KMT2A: variants seen among roughly 807,000 people sequenced by gnomAD.
The protein encoded by KMT2A is lysine methyltransferase 2A.
KMT2A carries 16 observed loss-of-function variants against 345.3 expected under a neutral mutation model. The observed-to-expected ratio is 0.05, with a 90% CI of 0.03 to 0.07. KMT2A has a LOEUF of 0.07. Among genes scored for constraint, KMT2A ranks in the 10% least tolerant of loss-of-function variants. The pLI, the probability that KMT2A is intolerant of heterozygous loss-of-function variation, is 1.00. For synonymous variants in KMT2A, 1,599 were observed against 1,778.6 expected (o/e 0.90, Z 2.54); for missense variants, 3,272 against 4,841.6 (o/e 0.68, Z 9.62).
Position 118,494,124 on chromosome 11 carries a change from G to A in KMT2A, c.5179-164G>A, listed in dbSNP as rs1351781076. On this transcript the variant is annotated intron_variant, in intron 16 of 35. Transcript: ENST00000534358. The surrounding 1 kb of genome is among the most constrained non-coding windows in gnomAD (Gnocchi z 5.8). Reference sequence around the variant, plus strand: ...ATCTCTTAATTGCCACAGGTTAATCGTGAATTGAATCTCAAAGGTCTCAGC... The same window carrying A: ...ATCTCTTAATTGCCACAGGTTAATCATGAATTGAATCTCAAAGGTCTCAGC... 6.6e-6 allele frequency among the ~76,000 whole-genome samples: 1 copy of A among 152,156 alleles called. No individual in the cohort carries two copies. The highest frequency in any genetic ancestry group is 2.4e-5 in the African/African-American group (1 of 41,420).
intron 5 of KMT2A, among the ~76,000 whole-genome samples, chr11:118,478,570 G>A (rs1950078004): frequency 6.6e-6 from 1 of 152,140 alleles, no homozygotes; most frequent in African/African-American, 2.4e-5. Context: ...TGTAACTAGT[G>A]GCTACCATAT....
intron 1 of KMT2A, among the ~76,000 whole-genome samples, chr11:118,451,918 C>T (rs782254286): frequency 1.3e-4 from 20 of 152,194 alleles, no homozygotes; most frequent in Non-Finnish European, 2.5e-4. Context: ...CTAATGTTAA[C>T]AGAATTGTCC....
intron 1 of KMT2A, among the ~76,000 whole-genome samples, chr11:118,459,093 CAG>C (rs369737729): frequency 3.2e-3 from 480 of 152,168 alleles, no homozygotes; most frequent in South Asian, 8.5e-3. Flanking sequence ...CCCTTTGAGA[CAG>C]AGTCTTGCTC....
rs1167269536 is a variant in KMT2A at position 118,523,182 on chromosome 11, GCAA to G, written c.*1015_*1017del. The G allele has an allele frequency of 3.9e-5, 9 of 228,568 alleles. No homozygotes were observed. In the Admixed American group the frequency reaches 5.1e-4, roughly 13 times the overall value. 14.2% of individuals were successfully genotyped at this position (228,568 alleles called of 1,614,324 possible). A position where few individuals can be genotyped will look rare whatever the true frequency, so the allele number is the denominator to read the frequency against. On this transcript the variant is annotated 3_prime_UTR_variant, in exon 36 of 36. Transcript: ENST00000534358. ...ATTATTTAAATAGGATTTAAATCATGCAACAACGAGAGTATCACAGCCAGGATG... is the reference window on the plus strand; with the variant it reads ...ATTATTTAAATAGGATTTAAATCATGCAACGAGAGTATCACAGCCAGGATG...
Position 118,502,450 on chromosome 11 carries a change from C to G in KMT2A, c.6558C>G (p.Leu2186=), listed in dbSNP as rs2134384316. 2 of 1,613,538 alleles carry G rather than the reference C, an allele frequency of 1.2e-6. No homozygotes were observed. Among genetic ancestry groups the G allele is most frequent in the Non-Finnish European group, 1.7e-6 (2 of 1,179,708 alleles). ...TAGTCACAGTAGGTGATCCTTTACT[C>G]TCCTCTGGACTTCGAAGCATTGGCT... The part of the protein sequence containing the change: ...HEIVTVGDPL[L]SSGLRSIGSR... Residue 2186 remains leucine (L), a synonymous_variant, in exon 27 of 36, where the codon CTC becomes CTG. Coordinates refer to ENST00000534358, the MANE Select transcript of KMT2A (RefSeq NM_001197104.2). This position sits in a 1 kb window ranked among gnomAD's most constrained non-coding sequence, Gnocchi z 4.9.
rs1295146876 is a variant in KMT2A at position 118,493,368 on chromosome 11, TAA to T, written c.5178+142_5178+143del. Reference sequence around the variant, plus strand: ...GAAATGTCACGTGGCTTTAGATACCTAAAAATGTATGAGTTATTTTAGCTTTG... The same window carrying T: ...GAAATGTCACGTGGCTTTAGATACCTAAATGTATGAGTTATTTTAGCTTTG... On this transcript the variant is annotated intron_variant, in intron 16 of 35. Transcript: ENST00000534358. This position sits in a 1 kb window ranked among gnomAD's most constrained non-coding sequence, Gnocchi z 5.8. The T allele has an allele frequency of 1.8e-6, 1 of 562,662 alleles. No homozygotes were observed. Among genetic ancestry groups the T allele is most frequent in the Non-Finnish European group, 3.0e-6 (1 of 336,812 alleles). 34.9% of individuals were successfully genotyped at this position (562,662 alleles called of 1,614,324 possible).
At position 118,519,785 on chromosome 11, in the gene KMT2A, C is replaced by T; in HGVS notation, c.11314C>T (p.His3772Tyr). ...NPHGSARAEV[H>Y]LRKSAFDMFN... is the part of the protein sequence containing the mutation. ...TCACGGCTCAGCCAGGGCTGAAGTC[C>T]ACCTCAGGCAAGTTCCCTTCTTTTC... The change falls in exon 32 of 36, where the codon CAC (histidine) becomes TAC (tyrosine). Residue 3772 changes from histidine (H) to tyrosine (Y), a missense_variant. His to Tyr is a moderately conservative substitution (Grantham distance 83, BLOSUM62 2). Around this residue, in one of 27 missense-constraint regions of KMT2A, gnomAD observed 72 missense variants for 135.6 expected, o/e 0.53. Transcript: ENST00000534358. 1 of 1,610,548 alleles carries T rather than the reference C, an allele frequency of 6.2e-7. No individual in the cohort carries two copies. The highest frequency in any genetic ancestry group is 1.1e-5 in the South Asian group (1 of 91,036).
chr11:118,483,936 A>T (rs1253834059), intron 8 of KMT2A, among the ~76,000 whole-genome samples: 1 of 152,136 alleles, frequency 6.6e-6, no homozygotes, highest in East Asian at 1.9e-4. Flanking sequence ...TGAGAAGCTG[A>T]GGCAGGAGGA....
intron 2 of KMT2A, among the ~76,000 whole-genome samples, chr11:118,471,454 G>A (rs1408022839): frequency 6.6e-6 from 1 of 152,154 alleles, no homozygotes; most frequent in Non-Finnish European, 1.5e-5. Flanking sequence ...GTAATTAAAT[G>A]TTCTTTCAGG....
chr11:118,456,627 C>T (rs908763506), intron 1 of KMT2A, among the ~76,000 whole-genome samples: 21 of 152,158 alleles, frequency 1.4e-4, no homozygotes, highest in Admixed American at 5.2e-4. Flanking sequence ...CATGAGCCGC[C>T]GCGCCTGGCA....
Position 118,506,312 on chromosome 11 carries a change from G to T in KMT2A, c.10420G>T (p.Asp3474Tyr), listed in dbSNP as rs782405399. 1 of 1,614,170 alleles carries T rather than the reference G, an allele frequency of 6.2e-7. No individual in the cohort carries two copies. Among genetic ancestry groups the T allele is most frequent in the Non-Finnish European group, 8.5e-7 (1 of 1,180,020 alleles). ...AACTGGGATTCATTCTTCCCAGCGT[G>T]ATCTTGATTCTGCTTCAGGGCCCCA... ...SKTGIHSSQR[D>Y]LDSASGPQVS... Residue 3474 changes from aspartate (D) to tyrosine (Y), a missense_variant, in exon 27 of 36, where the codon GAT (aspartate) becomes TAT (tyrosine). Transcript: ENST00000534358.
At chr11:118,499,687 C>T (rs1452044387) in intron 23 of KMT2A, 148 bp from the exon 24 acceptor site, 4 of 657,370 alleles carry the variant, frequency 6.1e-6, no homozygotes, top group African/African-American at 5.5e-5. Context: ...GGCTGAGGCA[C>T]AGGAATCACT....
At position 118,468,798 on chromosome 11, in the gene KMT2A, C is replaced by G. The variant is rs782503601; in HGVS notation, c.456C>G (p.Gly152=). 3 of 1,612,706 alleles carry G rather than the reference C, an allele frequency of 1.9e-6. No individual in the cohort carries two copies. In the African/African-American group the frequency reaches 4.0e-5, roughly 22 times the overall value. The change falls in exon 2 of 36, where the codon GGC becomes GGG. Residue 152 remains glycine, a synonymous_variant. Coordinates refer to ENST00000534358, the MANE Select transcript of KMT2A (RefSeq NM_001197104.2). ...AGGATGAGCAATTCTTAGGTTTTGG[C>G]TCAGATGAAGAAGTCAGAGTGCGAA... The part of the protein sequence containing the change: ...SGEDEQFLGF[G]SDEEVRVRSP...
chr11:118,483,303 C>G (rs1259299085), intron 8 of KMT2A, among the ~76,000 whole-genome samples: 1 of 150,974 alleles, frequency 6.6e-6, no homozygotes, highest in African/African-American at 2.4e-5. Flanking sequence ...GAGGCCGAGG[C>G]GGGCGGATCA....
rs11430367 is a variant in KMT2A, at chr11:118,477,498, C to CTTTTT, written c.3335-446_3335-442dup. Among the ~76,000 whole-genome samples the CTTTTT allele has an allele frequency of 1.4e-3, 80 of 56,944 alleles. 25 individuals carry two copies. Among genetic ancestry groups the CTTTTT allele is most frequent in the African/African-American group, 5.0e-3 (65 of 12,984 alleles). 37.4% of individuals were successfully genotyped at this position (56,944 alleles called of 152,430 possible). A position where few individuals can be genotyped will look rare whatever the true frequency, so the allele number is the denominator to read the frequency against. On this transcript the variant is annotated intron_variant, in intron 4 of 35. Coordinates refer to ENST00000534358, the MANE Select transcript of KMT2A (RefSeq NM_001197104.2). Reference sequence around the variant, plus strand: ...CTTTCATCAAGATGCAAGTTATTGGCTTTTTTTTTTTTTTTTTTTTTTTTT... The same window carrying CTTTTT: ...CTTTCATCAAGATGCAAGTTATTGGCTTTTTTTTTTTTTTTTTTTTTTTTTTTTTT...
At position 118,476,610 on chromosome 11, in the gene KMT2A, G is replaced by A. The variant is rs971890307; in HGVS notation, c.3157-195G>A. Among the ~76,000 whole-genome samples, 2 of 151,964 alleles carry A rather than the reference G, an allele frequency of 1.3e-5. No homozygotes were observed. The highest frequency in any genetic ancestry group is 1.3e-4 in the Admixed American group (2 of 15,252). On this transcript the variant is annotated intron_variant, in intron 3 of 35. Transcript: ENST00000534358. The surrounding 1 kb of genome is among the most constrained non-coding windows in gnomAD (Gnocchi z 4.1). ...GCTGTTTTTTATTTTTTGATTAGAGGCCTTTTTTTGTGCTGCCAATTAGGA... is the reference window on the plus strand; with the variant it reads ...GCTGTTTTTTATTTTTTGATTAGAGACCTTTTTTTGTGCTGCCAATTAGGA...
chr11:118,495,455 C>T lies in KMT2A; in HGVS notation c.5364-245C>T, dbSNP rs545555084. ...TACAGGCATGAGCCACCATGCCCGG[C>T]CTCTTTTGAGTTTTTGATAGGGTTA... On this transcript the variant is annotated intron_variant, in intron 18 of 35. Transcript: ENST00000534358. The surrounding 1 kb of genome is among the most constrained non-coding windows in gnomAD (Gnocchi z 4.1). 2.1e-4 allele frequency among the ~76,000 whole-genome samples: 32 copies of T among 152,274 alleles called. No homozygotes were observed. Among genetic ancestry groups the T allele is most frequent in the Admixed American group, 3.9e-4 (6 of 15,302 alleles).
At chr11:118,506,706 G>A (rs910825331) in intron 27 of KMT2A, 60 bp downstream of exon 27, 13 of 1,484,418 alleles carry the variant, frequency 8.8e-6, no homozygotes, top group Admixed American at 2.1e-5. Context: ...TAAATTAGGG[G>A]CTGTTGATGT....
chr11:118,481,958 A>T lies in KMT2A; in HGVS notation c.3878A>T (p.Lys1293Met). Residue 1293 changes from lysine (K) to methionine (M), a missense_variant, in exon 7 of 36, where the codon AAG becomes ATG. By Grantham distance (95) the Lys-to-Met change is moderately conservative. Around this residue, in one of 27 missense-constraint regions of KMT2A, gnomAD observed 168 missense variants for 216.0 expected, o/e 0.78. Transcript: ENST00000534358. ...SKQATTPASR[K>M]SSKQVSQPAL... ...CAGGCCACCACTCCAGCTTCCAGGA[A>T]GTCAAGCAAGCAGGTCTCCCAGCCA... 1 of 1,614,220 alleles carries T rather than the reference A, an allele frequency of 6.2e-7. No homozygotes were observed. Among genetic ancestry groups the T allele is most frequent in the South Asian group, 1.1e-5 (1 of 91,088 alleles).
Sources: allele counts gnomAD v4.1 joint callset (sites outside exome capture counted in the v4.1 genomes callset), GRCh38; gene constraint gnomAD v4.1.1; regional missense constraint gnomAD v4.1.1; non-coding constraint Gnocchi (gnomAD v3.1); transcripts MANE v1.5; gene names NCBI Gene and HGNC (gene_info 2026-07-23, HGNC 2026-07-21).